The following CHTOP variants were observed in gnomAD, a reference collection of about 807,000 sequenced individuals.
The protein encoded by CHTOP is chromatin target of PRMT1.
A neutral mutation model predicts 33.6 loss-of-function variants in CHTOP; 18 were observed. The ratio of observed to expected loss-of-function variants is 0.54; its 90% CI spans 0.37 to 0.80. The LOEUF (loss-of-function observed/expected upper bound fraction) is 0.80, where lower values mean the gene tolerates loss of function less well. Among genes scored for constraint, CHTOP ranks in the 30% least tolerant of loss-of-function variants. The probability of loss-of-function intolerance (pLI) is 0.00; values close to 1 mark genes in which losing one functional copy is unlikely to be tolerated. For synonymous variants in CHTOP, 117 were observed against 127.7 expected, an observed-to-expected ratio of 0.92 and a Z score of 0.56; for missense variants, 263 against 336.8, an observed-to-expected ratio of 0.78 and a Z score of 1.71.
chr1:153,638,276 A>G lies in CHTOP; in HGVS notation c.66-19A>G, dbSNP rs557981134. 3.1e-6 allele frequency: 5 copies of G among 1,610,972 alleles called. No individual in the cohort carries two copies. The highest frequency in any genetic ancestry group is 3.4e-6 in the Non-Finnish European group (4 of 1,177,510). On this transcript the variant is annotated intron_variant, in intron 2 of 5. Transcript: ENST00000368694. ...TAATAAAGCTTTTATTTAAACATCC[A>G]TTTTGTTCGACCTTGAAGCTTTACT...
intron 5 of CHTOP, 28 bp from the exon 6 acceptor site, chr1:153,645,036 T>TC (rs911625589): frequency 9.3e-7 from 1 of 1,075,624 alleles, no homozygotes; most frequent in Non-Finnish European, 1.3e-6. Flanking sequence ...AACTGTCTCT[T>TC]TTTTTTTTTT....
chr1:153,638,454 A>G lies in CHTOP; in HGVS notation c.219+6A>G. The G allele has an allele frequency of 5.6e-6, 9 of 1,614,166 alleles. No individual in the cohort carries two copies. Among genetic ancestry groups the G allele is most frequent in the Non-Finnish European group, 7.6e-6 (9 of 1,180,032 alleles). On this transcript the variant is annotated splice_donor_region_variant and intron_variant, in intron 3 of 5. Coordinates refer to ENST00000368694, the MANE Select transcript of CHTOP (RefSeq NM_015607.4). ...CAGCATTAAAACTTAAGCAGGTGAG[A>G]GAATGGGTCTTAATGCTCCAGAAGC...
rs1416352318 is a variant in CHTOP at position 153,645,317 on chromosome 1, TA to T, written c.*51del. The T allele has an allele frequency of 6.4e-7, 1 of 1,565,846 alleles. No homozygotes were observed. Among genetic ancestry groups the T allele is most frequent in the Admixed American group, 1.7e-5 (1 of 58,542 alleles). Reference sequence around the variant, plus strand: ...AGACTCTTGTTAGTCAACACATCTGTAAATAACCTTGAGATAACAGATGAGA... The same window carrying T: ...AGACTCTTGTTAGTCAACACATCTGTAATAACCTTGAGATAACAGATGAGA... On this transcript the variant is annotated 3_prime_UTR_variant, in exon 6 of 6. Coordinates refer to ENST00000368694, the MANE Select transcript of CHTOP (RefSeq NM_015607.4).
chr1:153,645,135 G>C lies in CHTOP; in HGVS notation c.613G>C (p.Ala205Pro). 6.2e-7 allele frequency: 1 copy of C among 1,614,046 alleles called. No individual in the cohort carries two copies. Among genetic ancestry groups the C allele is most frequent in the Non-Finnish European group, 8.5e-7 (1 of 1,180,022 alleles). Residue 205 changes from alanine to proline, a missense_variant, in exon 6 of 6, where the codon GCC becomes CCC. Coordinates refer to ENST00000368694, the MANE Select transcript of CHTOP (RefSeq NM_015607.4). ...CCGAGGCCGTGGACGAGGGAGAGGT[G>C]CCCTTGCTCGCCCTGTATTGACCAA... is the stretch of plus-strand genomic sequence containing the variant. ...RGRGRGRGRG[A>P]LARPVLTKEQ...
At chr1:153,639,802 T>G (rs1201147489) in intron 3 of CHTOP, among the ~76,000 whole-genome samples, 1 of 150,606 alleles carries the variant, frequency 6.6e-6, no homozygotes, top group African/African-American at 2.5e-5. Context: ...TTTGGTTTGG[T>G]TTGTTTTGAG....
rs1571323236 is a variant in CHTOP at position 153,645,349 on chromosome 1, T to C, written c.*80T>C. The C allele has an allele frequency of 7.2e-7, 1 of 1,380,056 alleles. No homozygotes were observed. Among genetic ancestry groups the C allele is most frequent in the Non-Finnish European group, 1.0e-6 (1 of 994,082 alleles). 85.5% of individuals were successfully genotyped at this position (1,380,056 alleles called of 1,614,324 possible). A position where few individuals can be genotyped will look rare whatever the true frequency, so the allele number is the denominator to read the frequency against. On this transcript the variant is annotated 3_prime_UTR_variant, in exon 6 of 6. Coordinates refer to ENST00000368694, the MANE Select transcript of CHTOP (RefSeq NM_015607.4). ...CCTTGAGATAACAGATGAGAAGAAA[T>C]CTGATTGATGCTGGATGGACCTATC...
chr1:153,636,425 A>AAT, intron 1 of CHTOP, 147 bp from the exon 2 acceptor site: 2 of 523,660 alleles, frequency 3.8e-6, no homozygotes, highest in Non-Finnish European at 3.3e-6. Flanking sequence ...AAAAAAAAAA[A>AAT]GAAATTTAAG....
At chr1:153,643,131 T>C (rs1668687157) in intron 4 of CHTOP, 96 bp from the exon 5 acceptor site, 1 of 1,460,362 alleles carries the variant, frequency 6.8e-7, no homozygotes, top group South Asian at 1.1e-5. Context: ...ACTAACTGAA[T>C]TACCTTCATT....
At chr1:153,634,863 T>C (rs1287825725) in intron 1 of CHTOP, among the ~76,000 whole-genome samples, 2 of 102,638 alleles carry the variant, frequency 1.9e-5, no homozygotes, top group African/African-American at 8.5e-5. Context: ...TATATTTTTT[T>C]TTGGGGGGGG....
chr1:153,643,451 T>A (rs1668698069), intron 5 of CHTOP, 87 bp downstream of exon 5: 1 of 1,306,788 alleles, frequency 7.7e-7, no homozygotes, highest in African/African-American at 1.5e-5. Context: ...CAGCTTCAAG[T>A]CATAGGCAGG....
At chr1:153,636,381 G>T (rs1332016767) in intron 1 of CHTOP, among the ~76,000 whole-genome samples, 191 bp from the exon 2 acceptor site, 1 of 143,538 alleles carries the variant, frequency 7.0e-6, no homozygotes, top group Admixed American at 7.3e-5. Context: ...CTGCATTCCA[G>T]CCTGAGTGAC....
At chr1:153,640,312 T>TAA (rs540258023) in intron 3 of CHTOP, among the ~76,000 whole-genome samples, 1 of 117,720 alleles carries the variant, frequency 8.5e-6, no homozygotes, top group Admixed American at 8.7e-5. Flanking sequence ...CCATCTCTAC[T>TAA]AAAAAAAAAA....
At position 153,645,368 on chromosome 1, in the gene CHTOP, A is replaced by G. The variant is rs2101697108; in HGVS notation, c.*99A>G. On this transcript the variant is annotated 3_prime_UTR_variant, in exon 6 of 6. Transcript: ENST00000368694. ...AAGAAATCTGATTGATGCTGGATGG[A>G]CCTATCACAATAGGCTGTGGACTTA... The G allele has an allele frequency of 8.5e-7, 1 of 1,182,948 alleles. No individual in the cohort carries two copies. Among genetic ancestry groups the G allele is most frequent in the Admixed American group, 2.2e-5 (1 of 46,476 alleles). The allele number at this position is 1,182,948 out of a possible 1,614,324, so 73.3% of individuals were successfully genotyped here.
chr1:153,638,005 C>T (rs1557938484), intron 2 of CHTOP: 5 of 363,432 alleles, frequency 1.4e-5, no homozygotes, highest in Non-Finnish European at 2.6e-5. Context: ...CTTGTCATAT[C>T]TGCTTATTGC....
At chr1:153,642,970 A>C in intron 4 of CHTOP, 1 of 472,024 alleles carries the variant, frequency 2.1e-6, no homozygotes, top group Non-Finnish European at 3.8e-6. Context: ...CTATCTGATT[A>C]TTCAGTAGAT....
At chr1:153,644,344 C>A (rs950516812) in intron 5 of CHTOP, 1 of 152,154 alleles carries the variant, frequency 6.6e-6, no homozygotes, top group South Asian at 2.1e-4. Context: ...AGAGACATCA[C>A]GAGGGTGGGA....
intron 2 of CHTOP, chr1:153,637,978 A>G (rs1394832985): frequency 6.9e-6 from 2 of 289,990 alleles, no homozygotes; most frequent in South Asian, 8.0e-5. Context: ...TTGTCTTTGA[A>G]ACTATATCTT....
At chr1:153,639,288 AG>A (rs956987168) in intron 3 of CHTOP, 5 of 227,050 alleles carry the variant, frequency 2.2e-5, no homozygotes, top group African/African-American at 1.2e-4. Context: ...AATTTGAGTT[AG>A]GGGTTCTCTT....
intron 1 of CHTOP, among the ~76,000 whole-genome samples, chr1:153,635,198 A>G (rs1383107276): frequency 6.6e-6 from 1 of 151,498 alleles, no homozygotes; most frequent in Non-Finnish European, 1.5e-5. Flanking sequence ...TTAGCTGCAC[A>G]TTAGAAGCAC....
Sources: allele counts gnomAD v4.1 joint callset (sites outside exome capture counted in the v4.1 genomes callset), GRCh38; gene constraint gnomAD v4.1.1; transcripts MANE v1.5; gene names NCBI Gene and HGNC (gene_info 2026-07-23, HGNC 2026-07-21).